The following KPNA6 variants were observed in gnomAD, a reference collection of about 807,000 sequenced individuals.
The protein encoded by KPNA6 is karyopherin subunit alpha 6, also known as importin subunit alpha-7.
In KPNA6, 9 loss-of-function variants were observed where a neutral mutation model predicts 72.0. The observed-to-expected ratio is 0.13, with a 90% CI of 0.08 to 0.22. The LOEUF (loss-of-function observed/expected upper bound fraction) is 0.22. Ranked by LOEUF, KPNA6 falls within the 10% of genes least tolerant of loss-of-function variation. The pLI is 1.00. For missense variants in KPNA6, 374 were observed against 655.7 expected (o/e 0.57, Z 4.69); for synonymous variants, 219 against 242.1 (o/e 0.90, Z 0.89).
Position 32,173,270 on chromosome 1 carries a change from A to G in KPNA6, c.*2376A>G, listed in dbSNP as rs1383924361. On this transcript the variant is annotated 3_prime_UTR_variant, in exon 14 of 14. Transcript: ENST00000373625. ...AGTAGGATCTACTTTGTACATCTCA[A>G]GTAAGAGTTAAGTCCCTGATACAGG... is the stretch of plus-strand genomic sequence containing the variant. 3 of 394,312 alleles carry G rather than the reference A, an allele frequency of 7.6e-6. No individual in the cohort carries two copies. The highest frequency in any genetic ancestry group is 1.3e-5 in the Non-Finnish European group (3 of 224,028). 24.4% of individuals were successfully genotyped at this position (394,312 alleles called of 1,614,324 possible).
In KPNA6 at chr1:32,166,024, C is replaced by T. The variant is rs535169634; in HGVS notation, c.991-81C>T. The T allele has an allele frequency of 3.0e-5, 43 of 1,436,960 alleles. 1 individual carries two copies. The African/African-American group carries it at 5.8e-4, about 20-fold the overall frequency. 89.0% of individuals were successfully genotyped at this position (1,436,960 alleles called of 1,614,324 possible). On this transcript the variant is annotated intron_variant, in intron 10 of 13. Transcript: ENST00000373625. ...AAAAAAAAAACAAAAACAACAACAA[C>T]AACAACAACAACAAAAAAACATAAA...
chr1:32,171,638 C>T lies in KPNA6; in HGVS notation c.*744C>T, dbSNP rs1642439000. ...AGACCTCTTTAGTTTGGGGGATCCT[C>T]CTCACTCTCCTGAAGTGTCTCAAGT... is the stretch of plus-strand genomic sequence containing the variant. On this transcript the variant is annotated 3_prime_UTR_variant, in exon 14 of 14. Coordinates refer to ENST00000373625, the MANE Select transcript of KPNA6 (RefSeq NM_012316.5). 2 of 152,268 alleles carry T rather than the reference C, an allele frequency of 1.3e-5. No homozygotes were observed. The highest frequency in any genetic ancestry group is 2.4e-5 in the African/African-American group (1 of 41,532). 9.4% of individuals were successfully genotyped at this position (152,268 alleles called of 1,614,324 possible).
intron 1 of KPNA6, among the ~76,000 whole-genome samples, chr1:32,121,825 T>A (rs1053821674): frequency 4.0e-5 from 6 of 150,030 alleles, no homozygotes; most frequent in African/African-American, 1.5e-4. Flanking sequence ...ATACAAAAGT[T>A]AACCGGGCGT....
chr1:32,157,243 C>G (rs938143064), intron 3 of KPNA6, 103 bp from the exon 4 acceptor site: 2 of 824,360 alleles, frequency 2.4e-6, no homozygotes, highest in African/African-American at 1.7e-5. Context: ...ATGCCATCCT[C>G]TTGCCCTCAG....
intron 1 of KPNA6, among the ~76,000 whole-genome samples, chr1:32,133,535 A>T (rs1410451926): frequency 1.3e-5 from 2 of 151,402 alleles, no homozygotes; most frequent in Admixed American, 1.3e-4. Flanking sequence ...AAAAAAAAAA[A>T]AAAAAATTAC....
At chr1:32,144,137 CATAACA>C (rs1459402209) in intron 1 of KPNA6, among the ~76,000 whole-genome samples, 1 of 152,104 alleles carries the variant, frequency 6.6e-6, no homozygotes, top group African/African-American at 2.4e-5. Flanking sequence ...AAATAGAACA[CATAACA>C]ATATGCCAGC....
At chr1:32,150,127 CTTT>C (rs35179721) in intron 1 of KPNA6, among the ~76,000 whole-genome samples, 1 of 87,054 alleles carries the variant, frequency 1.1e-5, no homozygotes, top group Non-Finnish European at 2.2e-5. Context: ...AATTTTTAGT[CTTT>C]TTTTTTTTTT....
chr1:32,120,445 A>AC (rs1161032427), intron 1 of KPNA6, among the ~76,000 whole-genome samples: 1 of 150,254 alleles, frequency 6.7e-6, no homozygotes, highest in Non-Finnish European at 1.5e-5. Context: ...GCGGGGTTTC[A>AC]CCATGTTGGC....
intron 10 of KPNA6, among the ~76,000 whole-genome samples, chr1:32,163,641 A>G (rs1642282039): frequency 6.6e-6 from 1 of 152,198 alleles, no homozygotes; most frequent in South Asian, 2.1e-4. Flanking sequence ...AGATACTGAA[A>G]GCTATGGAAC....
intron 1 of KPNA6, among the ~76,000 whole-genome samples, chr1:32,126,295 C>G (rs1404140408): frequency 2.9e-5 from 4 of 135,644 alleles, no homozygotes. Context: ...CCCACCCCCC[C>G]ACCCCCCATT....
At chr1:32,160,958 C>G (rs1220391733) in intron 7 of KPNA6, among the ~76,000 whole-genome samples, 2 of 152,150 alleles carry the variant, frequency 1.3e-5, no homozygotes, top group Non-Finnish European at 2.9e-5. Flanking sequence ...GAGTTCAAAA[C>G]CAGCCTGGGC....
chr1:32,127,980 T>C (rs1441790844), intron 1 of KPNA6, among the ~76,000 whole-genome samples: 3 of 151,942 alleles, frequency 2.0e-5, no homozygotes, highest in Non-Finnish European at 4.4e-5. Context: ...CACACACACA[T>C]ACACACACAC....
Position 32,154,640 on chromosome 1 carries a change from C to G in KPNA6, c.57C>G (p.Asn19Lys). ...KDNYRMKSYK[N>K]NALNPEEMRR... is the part of the protein sequence containing the mutation. ...ATTATCGAATGAAGAGCTATAAGAACAATGCTCTAAACCCTGAAGAAATGA... is the reference window on the plus strand; with the variant it reads ...ATTATCGAATGAAGAGCTATAAGAAGAATGCTCTAAACCCTGAAGAAATGA... Residue 19 changes from asparagine (N) to lysine (K), a missense_variant, in exon 2 of 14, where the codon AAC (asparagine) becomes AAG (lysine). Around this residue, in one of 3 missense-constraint regions of KPNA6, gnomAD observed 298 missense variants for 495.4 expected, o/e 0.60. Coordinates refer to ENST00000373625, the MANE Select transcript of KPNA6 (RefSeq NM_012316.5). 2 of 1,613,868 alleles carry G rather than the reference C, an allele frequency of 1.2e-6. No individual in the cohort carries two copies. The highest frequency in any genetic ancestry group is 1.3e-5 in the African/African-American group (1 of 75,014).
At chr1:32,169,777 A>G in intron 12 of KPNA6, 105 bp from the exon 13 acceptor site, 1 of 1,075,396 alleles carries the variant, frequency 9.3e-7, no homozygotes, top group Non-Finnish European at 1.3e-6. Flanking sequence ...TCTTAAAAAT[A>G]AAAAAATAAA....
Position 32,172,855 on chromosome 1 carries a change from C to T in KPNA6, c.*1961C>T, listed in dbSNP as rs1642462169. The T allele has an allele frequency of 1.3e-5, 5 of 371,688 alleles. No individual in the cohort carries two copies. The South Asian group carries it at 7.4e-4, about 55-fold the overall frequency. The allele number at this position is 371,688 out of a possible 1,614,324, so 23.0% of individuals were successfully genotyped here. On this transcript the variant is annotated 3_prime_UTR_variant, in exon 14 of 14. Transcript: ENST00000373625. ...TTCTTGCTTCTATTGCTACACATCT[C>T]CTTCTGGCTCAGGTGAAATCCATGC...
intron 7 of KPNA6, among the ~76,000 whole-genome samples, chr1:32,161,354 G>A (rs796463113): frequency 3.3e-5 from 5 of 152,172 alleles, no homozygotes; most frequent in African/African-American, 1.2e-4. Context: ...TACATACATC[G>A]GACAGCTCTG....
At chr1:32,136,183 T>C (rs181377500) in intron 1 of KPNA6, among the ~76,000 whole-genome samples, 18 of 147,992 alleles carry the variant, frequency 1.2e-4, no homozygotes, top group Admixed American at 5.4e-4. Context: ...GCTTCTCTCT[T>C]TTTTTTTTTT....
chr1:32,155,315 CTTTTTTTTTTCTT>C (rs1010322611), intron 2 of KPNA6, among the ~76,000 whole-genome samples: 77 of 142,310 alleles, frequency 5.4e-4, no homozygotes, highest in Non-Finnish European at 8.5e-4. Context: ...CTTTTCTTTT[CTTTTTTTTTTCTT>C]TTTTTTTTTT....
At chr1:32,123,752 A>AAAT (rs1641480101) in intron 1 of KPNA6, among the ~76,000 whole-genome samples, 1 of 150,872 alleles carries the variant, frequency 6.6e-6, no homozygotes, top group African/African-American at 2.4e-5. Context: ...AAAAAAAAAA[A>AAAT]AAAAAAGGCC....
Sources: allele counts gnomAD v4.1 joint callset (sites outside exome capture counted in the v4.1 genomes callset), GRCh38; gene constraint gnomAD v4.1.1; regional missense constraint gnomAD v4.1.1; transcripts MANE v1.5; gene names NCBI Gene and HGNC (gene_info 2026-07-23, HGNC 2026-07-21).